QRICH1: variants seen among roughly 807,000 people sequenced by gnomAD.
QRICH1 encodes transcriptional regulator QRICH1.
In QRICH1, 16 loss-of-function variants were observed where a neutral mutation model predicts 87.1. That is an observed-to-expected ratio of 0.18 (90% CI 0.12 to 0.28). The LOEUF is 0.28. QRICH1 is among the 10% of genes least tolerant of loss of function. The pLI, the probability that QRICH1 is intolerant of heterozygous loss-of-function variation, is 1.00. For missense variants in QRICH1, 647 were observed against 951.7 expected, an observed-to-expected ratio of 0.68 and a Z score of 4.21; for synonymous variants, 367 against 368.4, an observed-to-expected ratio of 1.00 and a Z score of 0.05.
chr3:49,058,025 A>G, intron 2 of QRICH1, 135 bp from the exon 3 acceptor site: 1 of 1,460,610 alleles, frequency 6.8e-7, no homozygotes, highest in Admixed American at 2.0e-5. Context: ...AAGGCTTCTG[A>G]GAAGGACACA....
chr3:49,084,380 A>G (rs190699199), intron 1 of QRICH1, among the ~76,000 whole-genome samples: 1,793 of 151,550 alleles, frequency 0.012, 39 homozygotes, highest in African/African-American at 0.041. Flanking sequence ...CTCAGCCTCC[A>G]AAGTGGCTGG....
At chr3:49,094,102 G>C, upstream of QRICH1, 1 of 398,546 alleles carries the variant, frequency 2.5e-6, no homozygotes. Context: ...GCGATAATCG[G>C]GGCGTCGGAT....
At chr3:49,066,786 C>T (rs1283764843) in intron 2 of QRICH1, among the ~76,000 whole-genome samples, 3 of 152,008 alleles carry the variant, frequency 2.0e-5, no homozygotes, top group Non-Finnish European at 2.9e-5. Context: ...GCCTGTAATC[C>T]TAGCATTTTG....
chr3:49,061,327 G>T (rs1407514579), intron 2 of QRICH1, among the ~76,000 whole-genome samples: 1 of 151,778 alleles, frequency 6.6e-6, no homozygotes, highest in Non-Finnish European at 1.5e-5. Flanking sequence ...AATGGGAAAG[G>T]CATTTAAATA....
At chr3:49,067,336 G>C (rs1056990206) in intron 2 of QRICH1, among the ~76,000 whole-genome samples, 4 of 152,048 alleles carry the variant, frequency 2.6e-5, no homozygotes, top group Admixed American at 6.6e-5. Flanking sequence ...GGGAGGCCAA[G>C]GTAGGCAGAT....
intron 9 of QRICH1, 24 bp from the exon 10 acceptor site, chr3:49,030,668 T>C (rs914806897): frequency 3.3e-6 from 5 of 1,521,746 alleles, no homozygotes; most frequent in Non-Finnish European, 4.4e-6. Flanking sequence ...GGATAAAAGT[T>C]GGGTACCACC....
chr3:49,079,039 C>T (rs1243515083), intron 1 of QRICH1, among the ~76,000 whole-genome samples: 1 of 151,876 alleles, frequency 6.6e-6, no homozygotes, highest in Non-Finnish European at 1.5e-5. Context: ...TCCACCTCAG[C>T]CCAGGCAACA....
At chr3:49,038,320 C>A (rs1269090564) in intron 6 of QRICH1, among the ~76,000 whole-genome samples, 1 of 152,004 alleles carries the variant, frequency 6.6e-6, no homozygotes, top group Non-Finnish European at 1.5e-5. Flanking sequence ...TTCGGCCTCC[C>A]AAAGTGCTGG....
intron 2 of QRICH1, among the ~76,000 whole-genome samples, chr3:49,074,150 C>A (rs149904816): frequency 6.6e-6 from 1 of 152,154 alleles, no homozygotes; most frequent in Admixed American, 6.6e-5. Flanking sequence ...TGGAATCACA[C>A]AAGTTAATGA....
intron 2 of QRICH1, among the ~76,000 whole-genome samples, chr3:49,065,511 G>A (rs1034976072): frequency 4.6e-5 from 7 of 152,078 alleles, no homozygotes; most frequent in Non-Finnish European, 2.9e-5. Context: ...ATCTGCTTCC[G>A]CACTCAATCT....
chr3:49,030,742 C>T, intron 9 of QRICH1, 98 bp from the exon 10 acceptor site: 1 of 1,092,692 alleles, frequency 9.2e-7, no homozygotes, highest in Non-Finnish European at 1.3e-6. Context: ...ACAGTAAGGC[C>T]CCAAGTTATT....
chr3:49,034,064 T>C (rs967192674), intron 6 of QRICH1, among the ~76,000 whole-genome samples: 112 of 135,696 alleles, frequency 8.3e-4, no homozygotes, highest in African/African-American at 3.1e-3. Flanking sequence ...AAGAGACTGA[T>C]ACTCTTTGGG....
chr3:49,085,081 T>C (rs2042142740), intron 1 of QRICH1, among the ~76,000 whole-genome samples: 1 of 151,632 alleles, frequency 6.6e-6, no homozygotes, highest in Non-Finnish European at 1.5e-5. Flanking sequence ...AGGTGGAGCT[T>C]GCAGTGAGCC....
At chr3:49,036,828 C>T (rs59051957) in intron 6 of QRICH1, among the ~76,000 whole-genome samples, 17 of 151,854 alleles carry the variant, frequency 1.1e-4, no homozygotes, top group African/African-American at 4.1e-4. Flanking sequence ...TTTGGGAGGC[C>T]GAGGTGTGCG....
intron 1 of QRICH1, 60 bp from the exon 2 acceptor site, chr3:49,077,098 A>T: frequency 8.5e-7 from 1 of 1,179,474 alleles, no homozygotes; most frequent in South Asian, 2.5e-5. Context: ...GCCCAGAAGC[A>T]ATTACCCTTG....
chr3:49,047,965 C>T (rs374117788), intron 3 of QRICH1, among the ~76,000 whole-genome samples: 1 of 151,996 alleles, frequency 6.6e-6, no homozygotes, highest in Non-Finnish European at 1.5e-5. Context: ...AACAAAAAAA[C>T]TCCTCAAGTA....
Position 49,032,791 on chromosome 3 carries a change from T to G in QRICH1, c.1896-18A>C. ...GGAAGTACCTGGATCACAAGTAAAA[T>G]GCAAGGCAGAGGGAGGGGTGCCGGG... is the stretch of plus-strand genomic sequence containing the variant. On this transcript the variant is annotated intron_variant, in intron 7 of 9. Coordinates refer to ENST00000395443, the MANE Select transcript of QRICH1 (RefSeq NM_198880.3). The G allele has an allele frequency of 4.4e-6, 7 of 1,598,720 alleles. No individual in the cohort carries two copies. Among genetic ancestry groups the G allele is most frequent in the Non-Finnish European group, 6.0e-6 (7 of 1,174,400 alleles).
intron 1 of QRICH1, among the ~76,000 whole-genome samples, chr3:49,086,152 A>C (rs1205245048): frequency 1.3e-5 from 2 of 151,642 alleles, no homozygotes; most frequent in African/African-American, 4.8e-5. Context: ...AAAAATAAGT[A>C]ACAATAAAGG....
At chr3:49,047,309 T>G (rs2093344313) in intron 3 of QRICH1, 63 bp from the exon 4 acceptor site, 1 of 1,476,006 alleles carries the variant, frequency 6.8e-7, no homozygotes. Context: ...TCTGCAAAAT[T>G]GCCAGAAAAA....
Sources: gnomAD v4.1 joint callset for allele counts (sites outside exome capture counted in the v4.1 genomes callset) on GRCh38, gnomAD v4.1.1 for gene constraint, MANE v1.5 for transcripts, NCBI Gene and HGNC (gene_info 2026-07-23, HGNC 2026-07-21) for gene names.